Variants in MMS22L observed in about 807,000 individuals in gnomAD.
The protein encoded by MMS22L is protein MMS22-like.
A neutral mutation model predicts 159.1 loss-of-function variants in MMS22L; 74 were observed. The observed-to-expected ratio is 0.47, with a 90% CI of 0.39 to 0.56. The LOEUF (loss-of-function observed/expected upper bound fraction) is 0.56. Among genes scored for constraint, MMS22L ranks in the 20% least tolerant of loss-of-function variants. MMS22L has a pLI of 0.00. For missense variants in MMS22L, 1,351 were observed against 1,422.1 expected (o/e 0.95, Z 0.80); for synonymous variants, 517 against 506.9 (o/e 1.02, Z -0.27).
intron 14 of MMS22L, among the ~76,000 whole-genome samples, chr6:97,209,815 T>G (rs959082732): frequency 6.6e-6 from 1 of 151,986 alleles, no homozygotes; most frequent in African/African-American, 2.4e-5. Flanking sequence ...CTTTCCTATG[T>G]CATTCTTTTT....
At chr6:97,268,467 C>T (rs1815383618) in intron 7 of MMS22L, among the ~76,000 whole-genome samples, 1 of 152,058 alleles carries the variant, frequency 6.6e-6, no homozygotes, top group Non-Finnish European at 1.5e-5. Flanking sequence ...GGATTACAGG[C>T]GTGAGCCACC....
At chr6:97,223,830 ATACAG>A (rs1809921221) in intron 14 of MMS22L, among the ~76,000 whole-genome samples, 2 of 152,184 alleles carry the variant, frequency 1.3e-5, no homozygotes, top group Admixed American at 6.5e-5. Context: ...CTTTTATTAC[ATACAG>A]TAATCTGTTT....
At chr6:97,217,900 T>G (rs566581591) in intron 14 of MMS22L, among the ~76,000 whole-genome samples, 1 of 152,314 alleles carries the variant, frequency 6.6e-6, no homozygotes, top group East Asian at 1.9e-4. Flanking sequence ...TTCCATTTTC[T>G]AAGTTCCCTC....
intron 14 of MMS22L, among the ~76,000 whole-genome samples, chr6:97,203,703 T>A (rs560824622): frequency 6.6e-6 from 1 of 152,270 alleles, no homozygotes; most frequent in East Asian, 1.9e-4. Flanking sequence ...GAAGCAAGTC[T>A]CTACCTAATC....
intron 15 of MMS22L, among the ~76,000 whole-genome samples, chr6:97,184,018 T>C (rs1056838790): frequency 6.6e-6 from 1 of 152,188 alleles, no homozygotes. Context: ...ATTGCTCTTT[T>C]CACCTTTTCT....
chr6:97,273,129 T>G, intron 4 of MMS22L, 67 bp from the exon 5 acceptor site: 1 of 1,259,794 alleles, frequency 7.9e-7, no homozygotes, highest in Non-Finnish European at 1.1e-6. Context: ...CAAAAAATGT[T>G]GTAAGCCATA....
In MMS22L at chr6:97,162,039, G is replaced by A. The variant is rs577643032; in HGVS notation, c.3348C>T (p.Gly1116=). The A allele has an allele frequency of 5.6e-6, 9 of 1,611,870 alleles. No homozygotes were observed. In the African/African-American group the frequency reaches 1.1e-4, roughly 19 times the overall value. The part of the protein sequence containing the change: ...DIYEVELLLP[G]ILKCLVLVSE... ...TGACTAACACCAAGCATTTTAAAAT[G>A]CCAGGGAGGAGTAGTTCAACTTCAT... The change falls in exon 22 of 25, where the codon GGC becomes GGT. Residue 1116 remains glycine, a synonymous_variant. Transcript: ENST00000683635.
chr6:97,150,531 A>AT (rs1188407533), intron 23 of MMS22L, among the ~76,000 whole-genome samples: 1 of 152,162 alleles, frequency 6.6e-6, no homozygotes, highest in African/African-American at 2.4e-5. Context: ...AAAATTCTAT[A>AT]TTTAGCCTTA....
In MMS22L at chr6:97,181,723, TAA is replaced by T. The variant is rs559260075; in HGVS notation, c.2384+179_2384+180del. 2.4e-4 allele frequency among the ~76,000 whole-genome samples: 36 copies of T among 152,062 alleles called. No individual in the cohort carries two copies. In the East Asian group the frequency reaches 4.6e-3, roughly 20 times the overall value. ...TTTTTTTAAAGCAGGCCACAAAATA[TAA>T]GTTAGTGTTCTTACTATTACTACTG... On this transcript the variant is annotated intron_variant, in intron 16 of 24. Coordinates refer to ENST00000683635, the MANE Select transcript of MMS22L (RefSeq NM_001350599.2).
intron 7 of MMS22L, among the ~76,000 whole-genome samples, chr6:97,268,280 G>T (rs1319970188): frequency 6.6e-6 from 1 of 151,546 alleles, no homozygotes; most frequent in Non-Finnish European, 1.5e-5. Flanking sequence ...CACCTCCCAG[G>T]TTCAGGCCAT....
chr6:97,268,875 C>T (rs545134213), intron 7 of MMS22L, among the ~76,000 whole-genome samples: 9 of 151,564 alleles, frequency 5.9e-5, no homozygotes, highest in African/African-American at 2.2e-4. Flanking sequence ...AAGTATATAC[C>T]TATATAGACA....
At chr6:97,156,458 G>A (rs1057316677) in intron 22 of MMS22L, among the ~76,000 whole-genome samples, 8 of 152,108 alleles carry the variant, frequency 5.3e-5, no homozygotes, top group African/African-American at 7.2e-5. Context: ...TAGGTCTTAC[G>A]TTTAAGTCTT....
At chr6:97,270,173 T>C (rs1367166202) in intron 6 of MMS22L, 181 bp from the exon 7 acceptor site, 13 of 642,422 alleles carry the variant, frequency 2.0e-5, no homozygotes, top group Non-Finnish European at 3.6e-5. Flanking sequence ...TGAAGATCTT[T>C]GAAAGCAGGA....
intron 10 of MMS22L, among the ~76,000 whole-genome samples, chr6:97,251,872 A>G (rs1005936390): frequency 1.2e-4 from 18 of 152,098 alleles, no homozygotes; most frequent in African/African-American, 4.3e-4. Flanking sequence ...TCACGAGGTC[A>G]GAAGATCAAG....
chr6:97,228,929 T>C lies in MMS22L; in HGVS notation c.2004A>G (p.Val668=), dbSNP rs765100323. Residue 668 remains valine (V), a synonymous_variant, in exon 14 of 25, where the codon GTA becomes GTG. Coordinates refer to ENST00000683635, the MANE Select transcript of MMS22L (RefSeq NM_001350599.2). ...CCAGAACAGCTTGTAGGAAGCTCAATACTGTCCTAAGTTCAGATTCTCGAC... is the reference window on the plus strand; with the variant it reads ...CCAGAACAGCTTGTAGGAAGCTCAACACTGTCCTAAGTTCAGATTCTCGAC... ...RACRESELRT[V]LSFLQAVLAR... is the part of the protein sequence containing the mutation. The C allele has an allele frequency of 5.0e-6, 8 of 1,613,956 alleles. No homozygotes were observed. The African/African-American group carries it at 9.3e-5, about 19-fold the overall frequency.
intron 13 of MMS22L, chr6:97,230,574 G>A (rs1211090112): frequency 6.6e-6 from 1 of 152,080 alleles, no homozygotes; most frequent in Non-Finnish European, 1.5e-5. Context: ...TTGACATATA[G>A]TATGTGTCTA....
intron 22 of MMS22L, among the ~76,000 whole-genome samples, chr6:97,153,931 G>A (rs1287627789): frequency 2.6e-5 from 4 of 151,948 alleles, no homozygotes; most frequent in Non-Finnish European, 5.9e-5. Context: ...TAATTTACAA[G>A]TTTCTGTGTG....
intron 14 of MMS22L, among the ~76,000 whole-genome samples, chr6:97,219,214 C>G (rs1380096640): frequency 6.6e-6 from 1 of 152,124 alleles, no homozygotes; most frequent in Non-Finnish European, 1.5e-5. Flanking sequence ...ATACATTTCT[C>G]TTGAAATGTA....
chr6:97,252,839 C>T (rs545849077), intron 10 of MMS22L, among the ~76,000 whole-genome samples: 94 of 152,186 alleles, frequency 6.2e-4, no homozygotes, highest in African/African-American at 2.1e-3. Context: ...GCTTATATTA[C>T]GACCTTAGAA....
Sources: gnomAD v4.1 joint callset for allele counts (sites outside exome capture counted in the v4.1 genomes callset) on GRCh38, gnomAD v4.1.1 for gene constraint, MANE v1.5 for transcripts, NCBI Gene and HGNC (gene_info 2026-07-23, HGNC 2026-07-21) for gene names.